Variants in DCC observed in about 807,000 individuals in gnomAD.
DCC encodes the protein DCC netrin 1 receptor.
A neutral mutation model predicts 172.5 loss-of-function variants in DCC; 58 were observed. That is an observed-to-expected ratio of 0.34 (90% confidence interval 0.27 to 0.42). DCC has a LOEUF of 0.42. DCC is among the 10% of genes least tolerant of loss of function. The pLI is 1.00. For synonymous variants in DCC, 709 were observed against 644.5 expected (o/e 1.10, Z -1.52); for missense variants, 1,740 against 1,791.0 (o/e 0.97, Z 0.51).
intron 12 of DCC, among the ~76,000 whole-genome samples, chr18:53,272,907 A>C (rs1054860703): frequency 3.3e-5 from 5 of 152,174 alleles, no homozygotes; most frequent in African/African-American, 1.2e-4. Flanking sequence ...CGAAGAATGA[A>C]GCTTCATATG....
intron 1 of DCC, among the ~76,000 whole-genome samples, chr18:52,721,606 G>A (rs546505824): frequency 1.3e-5 from 2 of 152,280 alleles, no homozygotes; most frequent in South Asian, 4.1e-4. Flanking sequence ...CTAAGGCACA[G>A]TGAGGAGGAC....
Position 52,729,448 on chromosome 18 carries a change from T to G in DCC, c.92-22606T>G, listed in dbSNP as rs565733964. Among the ~76,000 whole-genome samples, 36 of 152,148 alleles carry G rather than the reference T, an allele frequency of 2.4e-4. No homozygotes were observed. In the South Asian group the frequency reaches 3.3e-3, roughly 14 times the overall value. On this transcript the variant is annotated intron_variant, in intron 1 of 28. Coordinates refer to ENST00000442544, the MANE Select transcript of DCC (RefSeq NM_005215.4). Reference sequence around the variant, plus strand: ...CTAATATTTGTATTTTTGGTAGAGATGGGGTTTCACCATGTTGGCCAGGCT... The same window carrying G: ...CTAATATTTGTATTTTTGGTAGAGAGGGGGTTTCACCATGTTGGCCAGGCT...
At chr18:53,317,848 AT>A (rs1315873485) in intron 13 of DCC, among the ~76,000 whole-genome samples, 1 of 151,720 alleles carries the variant, frequency 6.6e-6, no homozygotes, top group Non-Finnish European at 1.5e-5. Flanking sequence ...ATCATCTTTT[AT>A]TGTGTCTATT....
chr18:53,022,230 A>G (rs1009039967), intron 5 of DCC, among the ~76,000 whole-genome samples: 2 of 152,112 alleles, frequency 1.3e-5, no homozygotes, highest in African/African-American at 2.4e-5. Flanking sequence ...GTTAACCTCA[A>G]ATTAGATATT....
At chr18:52,728,902 T>G (rs1281201283) in intron 1 of DCC, among the ~76,000 whole-genome samples, 2 of 152,174 alleles carry the variant, frequency 1.3e-5, no homozygotes, top group Admixed American at 1.3e-4. Flanking sequence ...TCTCCAGGGA[T>G]CTATGTGAAT....
chr18:52,540,773 A>AT (rs1456359677), intron 1 of DCC, among the ~76,000 whole-genome samples: 14 of 151,420 alleles, frequency 9.2e-5, no homozygotes, highest in African/African-American at 3.4e-4. Context: ...CGCCCAGCTA[A>AT]TTTTTTGTAT....
intron 27 of DCC, among the ~76,000 whole-genome samples, chr18:53,521,268 G>A (rs550344269): frequency 7.8e-4 from 118 of 152,216 alleles, no homozygotes; most frequent in Non-Finnish European, 1.6e-3. Flanking sequence ...TGTTGCCTGG[G>A]CACTAGAGAA....
At chr18:52,841,382 G>C (rs768573861) in intron 2 of DCC, among the ~76,000 whole-genome samples, 1 of 152,132 alleles carries the variant, frequency 6.6e-6, no homozygotes, top group Admixed American at 6.5e-5. Context: ...GTCTGTTTTA[G>C]ACATTGACCT....
At chr18:53,063,914 A>G (rs1390124846) in intron 6 of DCC, among the ~76,000 whole-genome samples, 2 of 151,918 alleles carry the variant, frequency 1.3e-5, no homozygotes, top group African/African-American at 2.4e-5. Context: ...TTTTTTTCCT[A>G]CCCTGCCCTG....
intron 15 of DCC, among the ~76,000 whole-genome samples, chr18:53,364,702 T>G (rs547794455): frequency 1.6e-4 from 24 of 152,244 alleles, no homozygotes; most frequent in African/African-American, 5.8e-4. Flanking sequence ...ATAAATGAAG[T>G]CATAACATCT....
chr18:52,765,557 T>A (rs1230104948), intron 2 of DCC, among the ~76,000 whole-genome samples: 1 of 152,164 alleles, frequency 6.6e-6, no homozygotes. Flanking sequence ...TAGGAGAGGC[T>A]CCATCTTCTT....
At chr18:52,902,607 G>C (rs753831726) in intron 2 of DCC, among the ~76,000 whole-genome samples, 1 of 152,152 alleles carries the variant, frequency 6.6e-6, no homozygotes, top group Non-Finnish European at 1.5e-5. Context: ...GTTATAGTGA[G>C]TTTATTGTTC....
At chr18:52,388,939 T>C (rs1985923840) in intron 1 of DCC, among the ~76,000 whole-genome samples, 1 of 152,286 alleles carries the variant, frequency 6.6e-6, no homozygotes, top group Non-Finnish European at 1.5e-5. Flanking sequence ...AAGACCAATA[T>C]GTATTAATAG....
At position 52,673,597 on chromosome 18, in the gene DCC, C is replaced by T. The variant is rs114139391; in HGVS notation, c.92-78457C>T. Among the ~76,000 whole-genome samples, 1,011 of 152,272 alleles carry T rather than the reference C, an allele frequency of 6.6e-3. 16 individuals carry two copies. Among genetic ancestry groups the T allele is most frequent in the African/African-American group, 0.023 (961 of 41,560 alleles). On this transcript the variant is annotated intron_variant, in intron 1 of 28. Transcript: ENST00000442544. ...AGTTTCTTCACTATAAATTTTTTCC[C>T]TCCTTTTTTCTTGGAAATGAGCCAC...
intron 14 of DCC, among the ~76,000 whole-genome samples, chr18:53,334,714 C>T (rs1460877940): frequency 1.3e-5 from 2 of 152,148 alleles, no homozygotes; most frequent in African/African-American, 4.8e-5. Context: ...TTTCATTTAC[C>T]ATATCATTGC....
At chr18:53,205,454 C>G in intron 10 of DCC, 90 bp downstream of exon 10, 1 of 1,297,274 alleles carries the variant, frequency 7.7e-7, no homozygotes, top group Non-Finnish European at 1.1e-6. Flanking sequence ...GGAAAAGACT[C>G]GCAAACTCTT....
intron 1 of DCC, among the ~76,000 whole-genome samples, chr18:52,697,591 AGTACATACAGAG>A (rs1398443350): frequency 6.6e-5 from 10 of 152,372 alleles, no homozygotes; most frequent in African/African-American, 2.4e-4. Context: ...AAAACCCAAT[AGTACATACAGAG>A]GCATATCCAG....
chr18:53,355,797 T>C (rs1331820368), intron 15 of DCC, among the ~76,000 whole-genome samples: 1 of 152,090 alleles, frequency 6.6e-6, no homozygotes, highest in Non-Finnish European at 1.5e-5. Context: ...CTTATTTTTG[T>C]ACCACTGCCT....
intron 22 of DCC, among the ~76,000 whole-genome samples, chr18:53,441,010 C>A (rs1912238323): frequency 6.6e-6 from 1 of 152,220 alleles, no homozygotes; most frequent in African/African-American, 2.4e-5. Context: ...GGATGTTTAG[C>A]AGCATCTCTG....
Sources: gnomAD v4.1 joint callset for allele counts (sites outside exome capture counted in the v4.1 genomes callset) on GRCh38, gnomAD v4.1.1 for gene constraint, MANE v1.5 for transcripts, NCBI Gene and HGNC (gene_info 2026-07-23, HGNC 2026-07-21) for gene names.